The following AATK variants were observed in gnomAD, a reference collection of about 807,000 sequenced individuals.
The protein encoded by AATK is serine/threonine-protein kinase LMTK1.
A neutral mutation model predicts 114.3 loss-of-function variants in AATK; 91 were observed. That is an observed-to-expected ratio of 0.80 (90% CI 0.67 to 0.95). The LOEUF (loss-of-function observed/expected upper bound fraction) is 0.95. Among genes scored for constraint, AATK ranks in the 40% least tolerant of loss-of-function variants. AATK has a pLI of 0.00. For synonymous variants in AATK, 1,075 were observed against 916.5 expected, an observed-to-expected ratio of 1.17 and a Z score of -3.12; for missense variants, 2,176 against 1,965.2, an observed-to-expected ratio of 1.11 and a Z score of -2.03.
chr17:81,157,152 ACCGCCCCCGCCAAGAGAGGGGAGCCC>A (rs1313336417), intron 1 of AATK, among the ~76,000 whole-genome samples: 3 of 152,152 alleles, frequency 2.0e-5, no homozygotes, highest in Non-Finnish European at 1.5e-5. Flanking sequence ...GTCACAAGAC[ACCGCCCCCGCCAAGAGAGGGGAGCCC>A]GAATGTCCAC....
At chr17:81,147,261 T>C (rs962954589) in intron 1 of AATK, among the ~76,000 whole-genome samples, 1 of 150,310 alleles carries the variant, frequency 6.7e-6, no homozygotes, top group South Asian at 2.1e-4. Flanking sequence ...CTCGGGAGGC[T>C]GAGGCAGGAG....
intron 1 of AATK, among the ~76,000 whole-genome samples, chr17:81,151,193 A>C (rs762313652): frequency 6.6e-5 from 10 of 152,102 alleles, no homozygotes; most frequent in South Asian, 2.1e-4. Flanking sequence ...GGAATTCCTA[A>C]GCAGAGACAC....
At chr17:81,125,956 C>A in intron 7 of AATK, 1 of 480,070 alleles carries the variant, frequency 2.1e-6, no homozygotes, top group Non-Finnish European at 4.3e-6. Context: ...GAGAGGACAG[C>A]CGTGCGGCGT....
At chr17:81,152,321 C>T (rs945091849) in intron 1 of AATK, among the ~76,000 whole-genome samples, 1 of 152,118 alleles carries the variant, frequency 6.6e-6, no homozygotes, top group Non-Finnish European at 1.5e-5. Flanking sequence ...AGTGGTGGCT[C>T]ACACCTGTAA....
Position 81,141,063 on chromosome 17 carries a change from G to A in AATK, c.56-6562C>T, listed in dbSNP as rs1211380352. ...CATGGGGACCGTGAGCCGTGGGGCC[G>A]TGGGGGCTAGGAGCCGTGGATGCAA... On this transcript the variant is annotated intron_variant, in intron 1 of 13. Transcript: ENST00000326724. Among the ~76,000 whole-genome samples, 12 of 152,160 alleles carry A rather than the reference G, an allele frequency of 7.9e-5. No individual in the cohort carries two copies. In the South Asian group the frequency reaches 8.3e-4, roughly 11 times the overall value.
Position 81,124,716 on chromosome 17 carries a change from G to A in AATK, c.962+11C>T, listed in dbSNP as rs1404376967. ...CTCGGCCCCTCACGGTGCCACCAGG[G>A]CCGCACTCACCACACATTCCCGCTC... On this transcript the variant is annotated intron_variant, in intron 9 of 13. Transcript: ENST00000326724. The A allele has an allele frequency of 2.5e-6, 4 of 1,612,292 alleles. No individual in the cohort carries two copies. The highest frequency in any genetic ancestry group is 1.1e-5 in the South Asian group (1 of 91,048).
rs1199331913 is a variant in AATK at position 81,121,081 on chromosome 17, T to C, written c.2855A>G (p.Lys952Arg). Residue 952 changes from lysine (K) to arginine (R), a missense_variant, in exon 11 of 14, where the codon AAG (lysine) becomes AGG (arginine). Lys to Arg is a conservative substitution (Grantham distance 26). Transcript: ENST00000326724. ...ENYESPEFVL[K>R]EAQEGCEPQA... The stretch of plus-strand genomic sequence containing the variant: ...GGGCTCACACCCTTCCTGCGCCTCC[T>C]TGAGCACAAACTCAGGGGACTCATA... The C allele has an allele frequency of 6.2e-7, 1 of 1,606,450 alleles. No homozygotes were observed. The highest frequency in any genetic ancestry group is 8.5e-7 in the Non-Finnish European group (1 of 1,176,398).
chr17:81,131,351 T>G, intron 2 of AATK, 146 bp from the exon 3 acceptor site: 1 of 1,071,368 alleles, frequency 9.3e-7, no homozygotes, highest in Non-Finnish European at 1.3e-6. Context: ...CCACCGCCCC[T>G]GCAGGCCAAT....
Position 81,148,393 on chromosome 17 carries a change from C to T in AATK, c.56-13892G>A, listed in dbSNP as rs114610412. ...CCACCCTGACATGCTGTCCCAACAC[C>T]CCCGGCATCTTGCAAAGCGCCTGAT... is the stretch of plus-strand genomic sequence containing the variant. On this transcript the variant is annotated intron_variant, in intron 1 of 13. Transcript: ENST00000326724. Among the ~76,000 whole-genome samples, 1,429 of 152,362 alleles carry T rather than the reference C, an allele frequency of 9.4e-3. 25 individuals carry two copies. Among genetic ancestry groups the T allele is most frequent in the African/African-American group, 0.032 (1,344 of 41,580 alleles).
intron 1 of AATK, among the ~76,000 whole-genome samples, chr17:81,138,846 G>A (rs889639250): frequency 4.0e-5 from 6 of 149,834 alleles, no homozygotes; most frequent in South Asian, 2.1e-4. Flanking sequence ...ACCCCCACGC[G>A]TGCAGATAAC....
At chr17:81,155,761 C>T (rs949043223) in intron 1 of AATK, among the ~76,000 whole-genome samples, 2 of 151,890 alleles carry the variant, frequency 1.3e-5, no homozygotes, top group African/African-American at 4.8e-5. Flanking sequence ...TCACAGCTCA[C>T]TGCAGCCTCG....
chr17:81,119,106 C>T (rs1393795779), intron 13 of AATK, among the ~76,000 whole-genome samples: 2 of 151,608 alleles, frequency 1.3e-5, no homozygotes, highest in East Asian at 1.9e-4. Context: ...TAGGGTCAGG[C>T]AGAGGAGAGC....
intron 1 of AATK, among the ~76,000 whole-genome samples, chr17:81,140,651 C>CG: frequency 6.8e-6 from 1 of 147,546 alleles, no homozygotes; most frequent in South Asian, 2.1e-4. Flanking sequence ...ACCGTGGGGC[C>CG]GGGGGACCGT....
chr17:81,154,668 C>T lies in AATK; in HGVS notation c.55+11270G>A, dbSNP rs527358567. On this transcript the variant is annotated intron_variant, in intron 1 of 13. Coordinates refer to ENST00000326724, the MANE Select transcript of AATK (RefSeq NM_001080395.3). ...TTTTTGAGTCAGAGTCTCGCTCTGTCGCCCAGGCTGGAGTGCAATGGCACA... is the reference window on the plus strand; with the variant it reads ...TTTTTGAGTCAGAGTCTCGCTCTGTTGCCCAGGCTGGAGTGCAATGGCACA... Among the ~76,000 whole-genome samples, 59 of 142,296 alleles carry T rather than the reference C, an allele frequency of 4.1e-4. 8 individuals are homozygous for T. The highest frequency in any genetic ancestry group is 6.7e-4 in the Non-Finnish European group (45 of 66,978). 93.4% of individuals were successfully genotyped at this position (142,296 alleles called of 152,430 possible). A position where few individuals can be genotyped will look rare whatever the true frequency, so the allele number is the denominator to read the frequency against.
chr17:81,129,748 C>T (rs112996373), intron 3 of AATK, among the ~76,000 whole-genome samples: 43 of 152,290 alleles, frequency 2.8e-4, no homozygotes, highest in South Asian at 8.3e-4. Context: ...GGCAGTACCC[C>T]CTCGGATGGT....
chr17:81,133,409 C>T (rs1388227077), intron 2 of AATK: 1 of 332,080 alleles, frequency 3.0e-6, no homozygotes, highest in Admixed American at 4.1e-5. Flanking sequence ...CCAGCTGAGT[C>T]ATGGGTCACT....
At chr17:81,156,498 T>C (rs891702928) in intron 1 of AATK, among the ~76,000 whole-genome samples, 10 of 152,064 alleles carry the variant, frequency 6.6e-5, no homozygotes, top group Admixed American at 4.6e-4. Context: ...CCCGGGTTCA[T>C]GCCATTCTCC....
In AATK at chr17:81,120,661, C is replaced by T. The variant is rs1008021502; in HGVS notation, c.3275G>A (p.Gly1092Glu). The change falls in exon 11 of 14, where the codon GGG (glycine) becomes GAG (glutamate). Residue 1092 changes from glycine to glutamate, a missense_variant. Around this residue, in one of 4 missense-constraint regions of AATK, gnomAD observed 1,701 missense variants for 1,394.7 expected, o/e 1.22. Transcript: ENST00000326724. ...AAACTGGGAGCAGCTGGGGCTGGGCCCAGGCCGCACCTTGGCTGGGCCTTG... is the reference window on the plus strand; with the variant it reads ...AAACTGGGAGCAGCTGGGGCTGGGCTCAGGCCGCACCTTGGCTGGGCCTTG... ...EPQGPAKVRP[G>E]PSPSCSQFFL... The T allele has an allele frequency of 6.6e-7, 1 of 1,517,922 alleles. No individual in the cohort carries two copies. 94.0% of individuals were successfully genotyped at this position (1,517,922 alleles called of 1,614,324 possible).
chr17:81,132,364 G>A (rs2060946521), intron 2 of AATK, among the ~76,000 whole-genome samples: 1 of 152,206 alleles, frequency 6.6e-6, no homozygotes, highest in Non-Finnish European at 1.5e-5. Flanking sequence ...GTGTGACCCT[G>A]GGGACGCCTC....
Sources: allele counts gnomAD v4.1 joint callset (sites outside exome capture counted in the v4.1 genomes callset), GRCh38; gene constraint gnomAD v4.1.1; regional missense constraint gnomAD v4.1.1; transcripts MANE v1.5; gene names NCBI Gene and HGNC (gene_info 2026-07-23, HGNC 2026-07-21).